The following VPS13B variants were observed in gnomAD, a reference collection of about 807,000 sequenced individuals.
VPS13B encodes the protein intermembrane lipid transfer protein VPS13B.
Under a neutral mutation model 426.4 loss-of-function variants are expected in VPS13B, and 285 were observed. The ratio of observed to expected loss-of-function variants is 0.67; its 90% CI spans 0.61 to 0.74. VPS13B has a LOEUF of 0.74. Ranked by LOEUF, VPS13B falls within the 30% of genes least tolerant of loss-of-function variation. The pLI, the probability that VPS13B is intolerant of heterozygous loss-of-function variation, is 0.00. For missense variants in VPS13B, 4,537 were observed against 4,782.6 expected (o/e 0.95, Z 1.51); for synonymous variants, 1,676 against 1,676.4 (o/e 1.00, Z 0.01).
chr8:99,144,539 A>G (rs1303450884), intron 13 of VPS13B, among the ~76,000 whole-genome samples: 1 of 151,156 alleles, frequency 6.6e-6, no homozygotes, highest in Admixed American at 6.6e-5. Context: ...CTATTACTTT[A>G]CTTTTGTCCC....
intron 21 of VPS13B, among the ~76,000 whole-genome samples, chr8:99,409,513 G>A (rs986347610): frequency 6.6e-6 from 1 of 152,044 alleles, no homozygotes; most frequent in African/African-American, 2.4e-5. Context: ...CAGTAAATAT[G>A]TACAATTGTA....
At chr8:99,719,185 C>T (rs968182673) in intron 37 of VPS13B, among the ~76,000 whole-genome samples, 7 of 152,024 alleles carry the variant, frequency 4.6e-5, no homozygotes, top group African/African-American at 1.2e-4. Flanking sequence ...ACATTGAAAA[C>T]GACAATGATC....
At chr8:99,099,204 CTT>C (rs2132441153) in intron 4 of VPS13B, among the ~76,000 whole-genome samples, 1 of 152,184 alleles carries the variant, frequency 6.6e-6, no homozygotes, top group East Asian at 1.9e-4. Flanking sequence ...ATTTTTTATT[CTT>C]GCCCTTTTAA....
chr8:99,093,816 CT>C (rs1846292201), intron 3 of VPS13B: 1 of 152,024 alleles, frequency 6.6e-6, no homozygotes, highest in African/African-American at 2.4e-5. Flanking sequence ...CTACAAACAC[CT>C]CTACACAAAT....
intron 35 of VPS13B, among the ~76,000 whole-genome samples, chr8:99,683,396 G>GATT (rs34077544): frequency 0.19 from 29,087 of 151,912 alleles, 3,338 homozygotes; most frequent in East Asian, 0.46. Context: ...ATATTTCTGG[G>GATT]ATTATTGGAA....
At position 99,798,148 on chromosome 8, in the gene VPS13B, A is replaced by G. The variant is rs572464389; in HGVS notation, c.7942-11227A>G. ...AAAATATTCTGTAAACACTGACTCC[A>G]TTTGAGTACCCAGGAACTACCGTCC... On this transcript the variant is annotated intron_variant, in intron 43 of 61. Transcript: ENST00000357162. Among the ~76,000 whole-genome samples, 8 of 151,354 alleles carry G rather than the reference A, an allele frequency of 5.3e-5. No homozygotes were observed. In the South Asian group the frequency reaches 1.7e-3, roughly 32 times the overall value.
chr8:99,233,706 G>A, intron 17 of VPS13B: 1 of 786,968 alleles, frequency 1.3e-6, no homozygotes, highest in Middle Eastern at 3.5e-4. Context: ...CTCAAATCCT[G>A]CAAGGATGAG....
intron 21 of VPS13B, among the ~76,000 whole-genome samples, chr8:99,406,654 G>A (rs1409841844): frequency 6.6e-6 from 1 of 152,170 alleles, no homozygotes; most frequent in Non-Finnish European, 1.5e-5. Flanking sequence ...AGGATATTAA[G>A]ATAAAATTTT....
intron 33 of VPS13B, among the ~76,000 whole-genome samples, chr8:99,589,607 T>C (rs910446048): frequency 6.6e-6 from 1 of 151,840 alleles, no homozygotes; most frequent in African/African-American, 2.4e-5. Context: ...GTCTATCGTT[T>C]TTGGACATTT....
At position 99,083,489 on chromosome 8, in the gene VPS13B, C is replaced by T. The variant is rs1322034276; in HGVS notation, c.292-12823C>T. Among the ~76,000 whole-genome samples, 1,328 of 151,024 alleles carry T rather than the reference C, an allele frequency of 8.8e-3. 27 individuals carry two copies. The highest frequency in any genetic ancestry group is 0.031 in the African/African-American group (1,282 of 41,040). ...ATTGCCCTGGCCAGAACTTCCAACACTATGTTGAATAGGAGTGGTGAGAGA... is the reference window on the plus strand; with the variant it reads ...ATTGCCCTGGCCAGAACTTCCAACATTATGTTGAATAGGAGTGGTGAGAGA... On this transcript the variant is annotated intron_variant, in intron 3 of 61. Coordinates refer to ENST00000357162, the MANE Select transcript of VPS13B (RefSeq NM_152564.5).
At chr8:99,113,052 CCCCTCCCCTCTGTTT>C (rs939226240) in intron 6 of VPS13B, among the ~76,000 whole-genome samples, 2 of 136,950 alleles carry the variant, frequency 1.5e-5, no homozygotes, top group African/African-American at 2.6e-5. Flanking sequence ...CCCCACCCTT[CCCCTCCCCTCTGTTT>C]CCCTCCCCTC....
intron 56 of VPS13B, among the ~76,000 whole-genome samples, chr8:99,855,956 T>G (rs1010080550): frequency 3.9e-5 from 6 of 152,206 alleles, no homozygotes; most frequent in Non-Finnish European, 7.3e-5. Flanking sequence ...AGCCTTTGCT[T>G]TTTCACATAA....
At chr8:99,607,126 T>C (rs1827630800) in intron 33 of VPS13B, among the ~76,000 whole-genome samples, 1 of 152,154 alleles carries the variant, frequency 6.6e-6, no homozygotes, top group Non-Finnish European at 1.5e-5. Context: ...TAAAGCCAAA[T>C]GCAATAAAAA....
intron 17 of VPS13B, among the ~76,000 whole-genome samples, chr8:99,220,854 T>C (rs1276849808): frequency 1.6e-5 from 2 of 123,222 alleles, no homozygotes; most frequent in Admixed American, 8.1e-5. Context: ...TAGTTACATA[T>C]GTATACATGT....
intron 35 of VPS13B, among the ~76,000 whole-genome samples, chr8:99,665,810 T>C (rs1286641197): frequency 2.0e-5 from 3 of 152,184 alleles, no homozygotes; most frequent in African/African-American, 7.2e-5. Context: ...GGGCTCTTTT[T>C]TGGTTCCATA....
chr8:99,565,917 C>T (rs1179272585), intron 31 of VPS13B, among the ~76,000 whole-genome samples: 2 of 152,136 alleles, frequency 1.3e-5, no homozygotes, highest in Non-Finnish European at 2.9e-5. Flanking sequence ...AGGTTAATGC[C>T]TAGATTGACC....
intron 30 of VPS13B, among the ~76,000 whole-genome samples, chr8:99,538,934 A>G (rs868816123): frequency 3.3e-5 from 5 of 152,346 alleles, no homozygotes; most frequent in Middle Eastern, 3.4e-3. Flanking sequence ...CTCTAGGCAA[A>G]GAAATACATG....
chr8:99,378,469 G>T (rs1813619075), intron 19 of VPS13B, among the ~76,000 whole-genome samples: 1 of 152,156 alleles, frequency 6.6e-6, no homozygotes, highest in Non-Finnish European at 1.5e-5. Context: ...TTAAAGTAAA[G>T]ACAGGCATAG....
intron 37 of VPS13B, among the ~76,000 whole-genome samples, chr8:99,718,197 A>C (rs1299142695): frequency 6.6e-6 from 1 of 151,920 alleles, no homozygotes; most frequent in Non-Finnish European, 1.5e-5. Context: ...CTCTTGCATC[A>C]ACCTCCTGAG....
Sources: allele counts gnomAD v4.1 joint callset (sites outside exome capture counted in the v4.1 genomes callset), GRCh38; gene constraint gnomAD v4.1.1; transcripts MANE v1.5; gene names NCBI Gene and HGNC (gene_info 2026-07-23, HGNC 2026-07-21).